The following STRBP variants were observed in gnomAD, a reference collection of about 807,000 sequenced individuals.
STRBP encodes spermatid perinuclear RNA binding protein, also known as spermatid perinuclear RNA-binding protein.
Under a neutral mutation model 80.1 loss-of-function variants are expected in STRBP, and 13 were observed. The observed-to-expected ratio is 0.16, with a 90% CI of 0.11 to 0.26. The LOEUF is 0.26. Among genes scored for constraint, STRBP ranks in the 10% least tolerant of loss-of-function variants. The pLI, the probability that STRBP is intolerant of heterozygous loss-of-function variation, is 1.00. For synonymous variants in STRBP, 284 were observed against 291.2 expected, an observed-to-expected ratio of 0.98 and a Z score of 0.25; for missense variants, 485 against 815.2, an observed-to-expected ratio of 0.59 and a Z score of 4.93.
chr9:123,175,021 C>CT (rs543047329), intron 4 of STRBP, among the ~76,000 whole-genome samples: 14 of 152,092 alleles, frequency 9.2e-5, no homozygotes, highest in Non-Finnish European at 1.9e-4. Flanking sequence ...TTTAAGTGCC[C>CT]TATTTAAAAG....
chr9:123,174,121 AT>A (rs111613021), intron 4 of STRBP, among the ~76,000 whole-genome samples: 1 of 152,124 alleles, frequency 6.6e-6, no homozygotes, highest in Non-Finnish European at 1.5e-5. Flanking sequence ...TCTCTTAAAT[AT>A]TTTTTCAAAT....
At chr9:123,131,031 CATGTA>C (rs1328486888) in intron 17 of STRBP, among the ~76,000 whole-genome samples, 2 of 152,150 alleles carry the variant, frequency 1.3e-5, no homozygotes, top group East Asian at 3.9e-4. Context: ...TTAATATACC[CATGTA>C]ATTTATAAAG....
intron 6 of STRBP, among the ~76,000 whole-genome samples, chr9:123,166,322 T>C (rs376684583): frequency 1.3e-5 from 2 of 152,364 alleles, no homozygotes; most frequent in East Asian, 3.9e-4. Context: ...TACTATTTAC[T>C]GAGCAACTAC....
At chr9:123,138,019 A>C (rs1374573056) in intron 14 of STRBP, among the ~76,000 whole-genome samples, 2 of 152,238 alleles carry the variant, frequency 1.3e-5, no homozygotes, top group Non-Finnish European at 2.9e-5. Flanking sequence ...TACAAAAATG[A>C]GTCGAGACAT....
intron 16 of STRBP, among the ~76,000 whole-genome samples, chr9:123,133,386 G>A (rs553277610): frequency 2.6e-5 from 4 of 152,206 alleles, no homozygotes; most frequent in East Asian, 3.9e-4. Flanking sequence ...TGGGGCTAGT[G>A]GGGGGAAAAC....
Position 123,139,523 on chromosome 9 carries a change from G to A in STRBP, c.1497+6C>T. On this transcript the variant is annotated splice_donor_region_variant and intron_variant, in intron 14 of 18. Coordinates refer to ENST00000348403, the MANE Select transcript of STRBP (RefSeq NM_018387.5). ...TATTTTTTTTCTGAGAAAAAAATAA[G>A]TATACCTCTAAGGTACTGGAGGTTT... The A allele has an allele frequency of 1.3e-6, 2 of 1,569,312 alleles. No individual in the cohort carries two copies. The highest frequency in any genetic ancestry group is 1.7e-6 in the Non-Finnish European group (2 of 1,163,392).
intron 1 of STRBP, among the ~76,000 whole-genome samples, chr9:123,260,569 C>T (rs569230877): frequency 3.3e-5 from 5 of 152,278 alleles, no homozygotes; most frequent in African/African-American, 9.6e-5. Flanking sequence ...TTTAAATCCA[C>T]GTCCTTCTGT....
At chr9:123,256,460 A>G (rs920906994) in intron 1 of STRBP, among the ~76,000 whole-genome samples, 1 of 152,158 alleles carries the variant, frequency 6.6e-6, no homozygotes, top group African/African-American at 2.4e-5. Context: ...AATAAAACCA[A>G]TTTATCAGAG....
At position 123,125,390 on chromosome 9, in the gene STRBP, C is replaced by T. The variant is rs772644090; in HGVS notation, c.*207G>A. 1.8e-5 allele frequency: 22 copies of T among 1,231,032 alleles called. No individual in the cohort carries two copies. The highest frequency in any genetic ancestry group is 2.2e-5 in the Non-Finnish European group (22 of 988,802). The allele number at this position is 1,231,032 out of a possible 1,614,324, so 76.3% of individuals were successfully genotyped here. A position where few individuals can be genotyped will look rare whatever the true frequency, so the allele number is the denominator to read the frequency against. ...AAGTTATTTTCCAGAAATGAGGTAC[C>T]GTTTTCACAGAACTGGTTTCTTTTT... On this transcript the variant is annotated 3_prime_UTR_variant, in exon 19 of 19. Transcript: ENST00000348403.
At chr9:123,186,571 A>G (rs931701457) in intron 2 of STRBP, among the ~76,000 whole-genome samples, 7 of 152,154 alleles carry the variant, frequency 4.6e-5, no homozygotes, top group African/African-American at 1.7e-4. Flanking sequence ...TATTCACTGT[A>G]TATTCACTGT....
At chr9:123,150,387 A>G (rs2037000602) in intron 11 of STRBP, among the ~76,000 whole-genome samples, 1 of 152,170 alleles carries the variant, frequency 6.6e-6, no homozygotes, top group African/African-American at 2.4e-5. Context: ...TTCCTGGGCA[A>G]TGAAGAATTT....
At chr9:123,165,771 G>A (rs1010858657) in intron 6 of STRBP, among the ~76,000 whole-genome samples, 4 of 152,182 alleles carry the variant, frequency 2.6e-5, no homozygotes, top group Non-Finnish European at 5.9e-5. Context: ...ACTAGACGTA[G>A]AGTCAGGAGA....
At chr9:123,127,654 A>G (rs950378420) in intron 18 of STRBP, among the ~76,000 whole-genome samples, 8 of 152,194 alleles carry the variant, frequency 5.3e-5, no homozygotes, top group Admixed American at 4.6e-4. Flanking sequence ...AGCATGTACT[A>G]CAGACTTCCT....
intron 2 of STRBP, among the ~76,000 whole-genome samples, chr9:123,202,289 T>C (rs759127494): frequency 6.6e-6 from 1 of 152,234 alleles, no homozygotes; most frequent in Non-Finnish European, 1.5e-5. Flanking sequence ...TTTGCTTTTT[T>C]CATTGTATAA....
chr9:123,222,325 A>AG (rs1241299805), intron 2 of STRBP, among the ~76,000 whole-genome samples: 1 of 152,076 alleles, frequency 6.6e-6, no homozygotes, highest in African/African-American at 2.4e-5. Flanking sequence ...TTTTGACACA[A>AG]GATGTTCCAG....
Position 123,122,385 on chromosome 9 carries a change from G to A in STRBP, c.*3212C>T, listed in dbSNP as rs921557275. 1 of 1,265,692 alleles carries A rather than the reference G, an allele frequency of 7.9e-7. No individual in the cohort carries two copies. The highest frequency in any genetic ancestry group is 1.0e-6 in the Non-Finnish European group (1 of 979,680). 78.4% of individuals were successfully genotyped at this position (1,265,692 alleles called of 1,614,324 possible). On this transcript the variant is annotated 3_prime_UTR_variant, in exon 19 of 19. Transcript: ENST00000348403. Reference sequence around the variant, plus strand: ...AAAATACATTAACGAGGTATTCCCAGCTCTTCAATTAATAATGGTGGCTGA... The same window carrying A: ...AAAATACATTAACGAGGTATTCCCAACTCTTCAATTAATAATGGTGGCTGA...
In STRBP at chr9:123,184,115, T is replaced by C; in HGVS notation, c.3+17A>G. On this transcript the variant is annotated intron_variant, in intron 3 of 18. Coordinates refer to ENST00000348403, the MANE Select transcript of STRBP (RefSeq NM_018387.5). ...GTCTTTTGTAACTAAATTATGAAAA[T>C]ATCCACAATAACCTACCATGGTTTT... 6.2e-7 allele frequency: 1 copy of C among 1,605,280 alleles called. No homozygotes were observed. The highest frequency in any genetic ancestry group is 1.1e-5 in the South Asian group (1 of 89,992).
At chr9:123,235,045 G>A (rs557337398) in intron 2 of STRBP, among the ~76,000 whole-genome samples, 73 of 151,000 alleles carry the variant, frequency 4.8e-4, no homozygotes, top group African/African-American at 1.7e-3. Flanking sequence ...AGTGAACACC[G>A]GAAACACATT....
intron 2 of STRBP, among the ~76,000 whole-genome samples, chr9:123,195,552 C>G (rs1284285601): frequency 6.6e-6 from 1 of 152,106 alleles, no homozygotes; most frequent in Admixed American, 6.6e-5. Flanking sequence ...TATATGCCAA[C>G]AGCAAACACT....
Sources: allele counts gnomAD v4.1 joint callset (sites outside exome capture counted in the v4.1 genomes callset), GRCh38; gene constraint gnomAD v4.1.1; transcripts MANE v1.5; gene names NCBI Gene and HGNC (gene_info 2026-07-23, HGNC 2026-07-21).